LIPA: variants seen among roughly 807,000 people sequenced by gnomAD.
LIPA encodes the protein lipase A, lysosomal acid type.
Under a neutral mutation model 40.6 loss-of-function variants are expected in LIPA, and 26 were observed. The observed-to-expected ratio is 0.64, with a 90% CI of 0.47 to 0.89. The LOEUF (loss-of-function observed/expected upper bound fraction) is 0.89. Among genes scored for constraint, LIPA ranks in the 40% least tolerant of loss-of-function variants. LIPA has a pLI of 0.00. For synonymous variants in LIPA, 188 were observed against 168.4 expected (o/e 1.12, Z -0.90); for missense variants, 455 against 479.6 (o/e 0.95, Z 0.48).
chr10:89,287,563 T>A (rs1843347582), intron 1 of LIPA, among the ~76,000 whole-genome samples: 1 of 152,088 alleles, frequency 6.6e-6, no homozygotes, highest in Non-Finnish European at 1.5e-5. Context: ...TGTCTTCCTT[T>A]CATATCCCCC....
intron 2 of LIPA, among the ~76,000 whole-genome samples, chr10:89,387,415 A>T (rs1187735546): frequency 1.3e-5 from 2 of 152,170 alleles, no homozygotes; most frequent in African/African-American, 2.4e-5. Flanking sequence ...TCATTGGCTG[A>T]ATATCATCTA....
At chr10:89,301,218 C>T (rs1220384340) in intron 1 of LIPA, among the ~76,000 whole-genome samples, 2 of 152,244 alleles carry the variant, frequency 1.3e-5, no homozygotes, top group African/African-American at 4.8e-5. Flanking sequence ...GATAGACAGA[C>T]ATCACTGCCC....
chr10:89,387,673 T>C (rs1844220113), intron 2 of LIPA, among the ~76,000 whole-genome samples: 1 of 152,206 alleles, frequency 6.6e-6, no homozygotes, highest in Non-Finnish European at 1.5e-5. Flanking sequence ...TAAAACCAAA[T>C]TTATATTTAG....
At chr10:89,254,029 G>T (rs1843168390), upstream of LIPA, among the ~76,000 whole-genome samples, 1 of 152,232 alleles carries the variant, frequency 6.6e-6, no homozygotes, top group Non-Finnish European at 1.5e-5. Context: ...TTCACAGGCT[G>T]GTGTTGAGTG....
intron 2 of LIPA, among the ~76,000 whole-genome samples, chr10:89,391,320 C>A (rs1401424888): frequency 4.0e-5 from 6 of 151,834 alleles, no homozygotes; most frequent in Admixed American, 6.5e-5. Flanking sequence ...CTCAAGTGAG[C>A]CTCCCACCTC....
intron 2 of LIPA, among the ~76,000 whole-genome samples, chr10:89,375,990 C>A (rs1221637094): frequency 6.6e-5 from 10 of 151,798 alleles, no homozygotes; most frequent in Non-Finnish European, 2.9e-5. Flanking sequence ...AGTTCGAAAC[C>A]AGGATGGCCA....
In LIPA at chr10:89,392,467, C is replaced by A. The variant is rs1050747505; in HGVS notation, c.61+20324G>T. 3.2e-4 allele frequency: 44 copies of A among 136,454 alleles called. No individual in the cohort carries two copies. The South Asian group carries it at 3.4e-3, about 11-fold the overall frequency. 8.5% of individuals were successfully genotyped at this position (136,454 alleles called of 1,614,324 possible). Reference sequence around the variant, plus strand: ...TTTAAAATAGAAACAAAGTTTCATTCCCCACCCCCCCCCGTCAGCAGGAAT... The same window carrying A: ...TTTAAAATAGAAACAAAGTTTCATTACCCACCCCCCCCCGTCAGCAGGAAT... On this transcript the variant is annotated intron_variant, in intron 2 of 8. Transcript: ENST00000371837.
intron 4 of LIPA, 94 bp downstream of exon 4, chr10:89,228,106 A>T: frequency 9.4e-7 from 1 of 1,058,814 alleles, no homozygotes; most frequent in Non-Finnish European, 1.5e-6. Context: ...ACAACTTCAG[A>T]GTTACCACCT....
chr10:89,310,452 G>GA (rs1291625175), intron 1 of LIPA, among the ~76,000 whole-genome samples: 1 of 152,140 alleles, frequency 6.6e-6, no homozygotes. Flanking sequence ...ATCAACCTTG[G>GA]ATGCCAATCT....
intron 2 of LIPA, chr10:89,403,651 A>T: frequency 6.2e-7 from 1 of 1,613,158 alleles, no homozygotes; most frequent in Non-Finnish European, 8.5e-7. Context: ...GCCCTGGAGT[A>T]CTATGAGCGG....
chr10:89,290,329 C>T (rs1474261245), intron 1 of LIPA, among the ~76,000 whole-genome samples: 2 of 152,154 alleles, frequency 1.3e-5, no homozygotes, highest in African/African-American at 4.8e-5. Context: ...CTAACAACCC[C>T]ACAGTATCAC....
chr10:89,325,754 G>A (rs954811277), intron 1 of LIPA, among the ~76,000 whole-genome samples: 1 of 152,122 alleles, frequency 6.6e-6, no homozygotes, highest in Non-Finnish European at 1.5e-5. Flanking sequence ...TACCTATCAT[G>A]TACTATGCTT....
intron 1 of LIPA, among the ~76,000 whole-genome samples, chr10:89,248,305 G>A (rs1843059894): frequency 6.6e-6 from 1 of 151,236 alleles, no homozygotes; most frequent in South Asian, 2.1e-4. Flanking sequence ...GGGACTACAG[G>A]TGCAGGCCAC....
intron 1 of LIPA, among the ~76,000 whole-genome samples, chr10:89,324,462 A>C (rs532085291): frequency 2.0e-5 from 3 of 152,350 alleles, no homozygotes; most frequent in African/African-American, 7.2e-5. Flanking sequence ...AGAAACCAGC[A>C]AAGATTTCAT....
At chr10:89,303,375 C>G (rs1019519638) in intron 1 of LIPA, among the ~76,000 whole-genome samples, 1 of 152,292 alleles carries the variant, frequency 6.6e-6, no homozygotes, top group Admixed American at 6.5e-5. Flanking sequence ...TCTGAGACTG[C>G]GGTGGTAGCA....
intron 2 of LIPA, among the ~76,000 whole-genome samples, chr10:89,392,365 C>A (rs536815167): frequency 1.1e-4 from 16 of 152,206 alleles, no homozygotes; most frequent in Admixed American, 7.9e-4. Flanking sequence ...ACGTGAATCT[C>A]GTTCCAAATG....
intron 1 of LIPA, among the ~76,000 whole-genome samples, chr10:89,268,535 A>C (rs1223602329): frequency 6.6e-6 from 1 of 152,224 alleles, no homozygotes; most frequent in Non-Finnish European, 1.5e-5. Context: ...CCTCTGATAC[A>C]TAATTTCACA....
intron 1 of LIPA, among the ~76,000 whole-genome samples, chr10:89,295,020 T>TG: frequency 9.4e-6 from 1 of 106,652 alleles, no homozygotes; most frequent in East Asian, 3.0e-4. Flanking sequence ...GGAAATGAAA[T>TG]GAAAGGAAAG....
intron 1 of LIPA, among the ~76,000 whole-genome samples, chr10:89,272,628 G>C (rs1843271435): frequency 6.6e-6 from 1 of 152,088 alleles, no homozygotes; most frequent in African/African-American, 2.4e-5. Context: ...GGGATTGTTG[G>C]GTTGAATGGT....
Sources: allele counts gnomAD v4.1 joint callset (sites outside exome capture counted in the v4.1 genomes callset), GRCh38; gene constraint gnomAD v4.1.1; transcripts MANE v1.5; gene names NCBI Gene and HGNC (gene_info 2026-07-23, HGNC 2026-07-21).